The following CDH17 variants were observed in gnomAD, a reference collection of about 807,000 sequenced individuals.
CDH17 encodes the protein cadherin-17.
CDH17 carries 67 observed loss-of-function variants against 86.3 expected under a neutral mutation model. That is an observed-to-expected ratio of 0.78 (90% CI 0.64 to 0.95). The LOEUF is 0.95. Among genes scored for constraint, CDH17 ranks in the 40% least tolerant of loss-of-function variants. The pLI is 0.00. For synonymous variants in CDH17, 367 were observed against 366.4 expected, an observed-to-expected ratio of 1.00 and a Z score of -0.02; for missense variants, 993 against 1,017.6, an observed-to-expected ratio of 0.98 and a Z score of 0.33.
At chr8:94,148,721 G>GT (rs151133817) in intron 14 of CDH17, 23 bp downstream of exon 14, 54,757 of 1,105,140 alleles carry the variant, frequency 0.05, 103 homozygotes, top group African/African-American at 0.078. Flanking sequence ...CTTTTTTTTT[G>GT]TTTTTTTTTT....
intron 12 of CDH17, among the ~76,000 whole-genome samples, chr8:94,153,697 C>A (rs1586245950): frequency 1.3e-5 from 2 of 152,118 alleles, no homozygotes; most frequent in Non-Finnish European, 2.9e-5. Flanking sequence ...TACACACACA[C>A]AATGAAATAC....
chr8:94,168,174 G>T (rs1813202210), intron 9 of CDH17, among the ~76,000 whole-genome samples: 1 of 126,594 alleles, frequency 7.9e-6, no homozygotes, highest in African/African-American at 3.2e-5. Context: ...GTGTGTGTGA[G>T]ATGGAGTCTC....
chr8:94,213,287 T>C (rs1206207433), upstream of CDH17, among the ~76,000 whole-genome samples: 1 of 152,228 alleles, frequency 6.6e-6, no homozygotes, highest in Non-Finnish European at 1.5e-5. Flanking sequence ...TCTGGATTTC[T>C]GATGCAGGTG....
rs545102449 is a variant in CDH17 at position 94,170,435 on chromosome 8, G to A, written c.1028C>T (p.Pro343Leu). Reference protein sequence around the residue: ...INDNPPTCPSPVTVFEVQENE... With the variant: ...INDNPPTCPSLVTVFEVQENE... ...CTCCTGGACCTCAAATACGGTTACT[G>A]GTGACGGACATGTAGGTGGATTATC... Residue 343 changes from proline to leucine, a missense_variant, in exon 9 of 18, where the codon CCA (proline) becomes CTA (leucine). By Grantham distance (98) the Pro-to-Leu change is moderately conservative. Transcript: ENST00000027335. 1.2e-6 allele frequency: 2 copies of A among 1,613,736 alleles called. No homozygotes were observed. The highest frequency in any genetic ancestry group is 1.7e-5 in the Admixed American group (1 of 60,008).
chr8:94,165,649 G>T, intron 10 of CDH17, 112 bp downstream of exon 10: 2 of 765,632 alleles, frequency 2.6e-6, no homozygotes, highest in Non-Finnish European at 2.3e-6. Flanking sequence ...AGGAAGCAAA[G>T]AATGTTTAAA....
intron 1 of CDH17, among the ~76,000 whole-genome samples, chr8:94,215,250 C>T (rs1814175792): frequency 6.6e-6 from 1 of 152,154 alleles, no homozygotes; most frequent in Non-Finnish European, 1.5e-5. Context: ...TATTCATCAA[C>T]TGATGGATAA....
At chr8:94,202,771 C>G (rs1250489455) in intron 1 of CDH17, 1 of 161,478 alleles carries the variant, frequency 6.2e-6, no homozygotes, top group African/African-American at 2.4e-5. Flanking sequence ...AATAGCCAGG[C>G]ATCACCATTC....
At chr8:94,210,747 G>A (rs993271545), upstream of CDH17, among the ~76,000 whole-genome samples, 8 of 152,126 alleles carry the variant, frequency 5.3e-5, no homozygotes, top group Admixed American at 3.3e-4. Context: ...AAGGCCAGGC[G>A]CAGTGGCTCA....
chr8:94,199,083 ATTTTTTT>A (rs71510475), intron 1 of CDH17, among the ~76,000 whole-genome samples: 346 of 23,118 alleles, frequency 0.015, 2 homozygotes, highest in Non-Finnish European at 0.028. Context: ...ATATATATAT[ATTTTTTT>A]TTTTTTATCA....
chr8:94,213,480 T>C (rs1814152439), upstream of CDH17, among the ~76,000 whole-genome samples: 2 of 152,244 alleles, frequency 1.3e-5, no homozygotes, highest in Admixed American at 1.3e-4. Flanking sequence ...AAGCTGGATC[T>C]GGTAGACATG....
chr8:94,151,086 G>A lies in CDH17; in HGVS notation c.1796+782C>T, dbSNP rs533809604. ...AATTGTCTGCCATTCATAGCCACAC[G>A]CGTGATTTAAGTCATGCTGAAATAT... On this transcript the variant is annotated intron_variant, in intron 13 of 17. Transcript: ENST00000027335. Among the ~76,000 whole-genome samples the A allele has an allele frequency of 1.1e-4, 17 of 152,300 alleles. No homozygotes were observed. The South Asian group carries it at 2.9e-3, about 26-fold the overall frequency.
At chr8:94,141,819 C>T (rs1388908772) in intron 15 of CDH17, among the ~76,000 whole-genome samples, 2 of 152,070 alleles carry the variant, frequency 1.3e-5, no homozygotes, top group Admixed American at 1.3e-4. Context: ...AGATTCAATA[C>T]AATCTCAACA....
intron 1 of CDH17, among the ~76,000 whole-genome samples, chr8:94,213,909 T>C (rs368040757): frequency 1.3e-5 from 2 of 152,162 alleles, no homozygotes; most frequent in East Asian, 1.9e-4. Context: ...TTGTGACTCA[T>C]CCAACTCCTT....
At chr8:94,157,910 G>A (rs1006331010) in intron 12 of CDH17, among the ~76,000 whole-genome samples, 13 of 152,164 alleles carry the variant, frequency 8.5e-5, no homozygotes, top group African/African-American at 2.9e-4. Flanking sequence ...GTGCTGTTTG[G>A]TTACGAGTAT....
Position 94,128,076 on chromosome 8 carries a change from G to T in CDH17, c.*164C>A. On this transcript the variant is annotated 3_prime_UTR_variant, in exon 18 of 18. Coordinates refer to ENST00000027335, the MANE Select transcript of CDH17 (RefSeq NM_004063.4). ...CCACTGTACTCCAGCCTGGGCGACAGAGCAAGACTCCACCTCAAAAAAGAA... is the reference window on the plus strand; with the variant it reads ...CCACTGTACTCCAGCCTGGGCGACATAGCAAGACTCCACCTCAAAAAAGAA... 1.7e-6 allele frequency: 1 copy of T among 586,758 alleles called. No individual in the cohort carries two copies. The highest frequency in any genetic ancestry group is 3.0e-6 in the Non-Finnish European group (1 of 331,632). 36.3% of individuals were successfully genotyped at this position (586,758 alleles called of 1,614,324 possible).
Position 94,160,020 on chromosome 8 carries a change from C to G in CDH17, c.1502G>C (p.Gly501Ala). Residue 501 changes from glycine to alanine, a missense_variant, in exon 12 of 18, where the codon GGG (glycine) becomes GCG (alanine). Transcript: ENST00000027335. ...GTTGGTATGGGGATCTGTGTCAACCCCCAGGCGTCCCTCACTGTCTCCCTT... is the reference window on the plus strand; with the variant it reads ...GTTGGTATGGGGATCTGTGTCAACCGCCAGGCGTCCCTCACTGTCTCCCTT... Reference protein sequence around the residue: ...IIKGDSEGRLGVDTDPHTNTG... With the variant: ...IIKGDSEGRLAVDTDPHTNTG... 6.2e-7 allele frequency: 1 copy of G among 1,613,496 alleles called. No individual in the cohort carries two copies. Among genetic ancestry groups the G allele is most frequent in the Non-Finnish European group, 8.5e-7 (1 of 1,179,686 alleles).
intron 11 of CDH17, 89 bp from the exon 12 acceptor site, chr8:94,160,251 C>T: frequency 9.9e-7 from 1 of 1,013,946 alleles, no homozygotes; most frequent in Non-Finnish European, 1.5e-6. Context: ...TCAGAATAGA[C>T]ACAAGTCATA....
In CDH17 at chr8:94,194,272, C is replaced by T. The variant is rs556742958; in HGVS notation, c.51+363G>A. On this transcript the variant is annotated intron_variant, in intron 2 of 17. Transcript: ENST00000027335. ...GATGTTTTGGTGGTAAGTTTTCATG[C>T]GCAAAGTTTAAAAAAGAAAGTCAAG... Among the ~76,000 whole-genome samples, 8 of 152,186 alleles carry T rather than the reference C, an allele frequency of 5.3e-5. No homozygotes were observed. The South Asian group carries it at 6.2e-4, about 12-fold the overall frequency.
intron 14 of CDH17, 113 bp from the exon 15 acceptor site, chr8:94,146,280 G>A: frequency 1.1e-6 from 1 of 946,038 alleles, no homozygotes; most frequent in Non-Finnish European, 1.5e-6. Context: ...ATGCTAGAAA[G>A]ACGACAAGCT....
Sources: gnomAD v4.1 joint callset for allele counts (sites outside exome capture counted in the v4.1 genomes callset) on GRCh38, gnomAD v4.1.1 for gene constraint, MANE v1.5 for transcripts, NCBI Gene and HGNC (gene_info 2026-07-23, HGNC 2026-07-21) for gene names.